CSMD3: variants seen among roughly 807,000 people sequenced by gnomAD.
CSMD3 encodes CUB and sushi domain-containing protein 3.
In CSMD3, 177 loss-of-function variants were observed where a neutral mutation model predicts 435.2. That is an observed-to-expected ratio of 0.41 (90% CI 0.36 to 0.46). The LOEUF (loss-of-function observed/expected upper bound fraction) is 0.46, where lower values mean the gene tolerates loss of function less well. Ranked by LOEUF, CSMD3 falls within the 20% of genes least tolerant of loss-of-function variation. The probability of loss-of-function intolerance (pLI) is 0.34; values close to 1 mark genes in which losing one functional copy is unlikely to be tolerated. For synonymous variants in CSMD3, 1,656 were observed against 1,520.5 expected (o/e 1.09, Z -2.07); for missense variants, 4,265 against 4,504.6 (o/e 0.95, Z 1.52).
chr8:112,976,090 A>G lies in CSMD3; in HGVS notation c.1089T>C (p.Thr363=), dbSNP rs766040378. The change falls in exon 7 of 71, where the codon ACT becomes ACC. Residue 363 remains threonine (T), a synonymous_variant. Transcript: ENST00000297405. ...TAGCAACAGCAATAGCACCAGTGGT[A>G]GTCCTGTTATGCTCCTCTAACTCAC... ...STGELEEHNR[T]TTGAIAVAST... is the part of the protein sequence containing the mutation. 1.9e-5 allele frequency: 30 copies of G among 1,614,096 alleles called. No homozygotes were observed. The East Asian group carries it at 5.8e-4, about 31-fold the overall frequency.
chr8:112,520,863 T>C (rs1824208163), intron 27 of CSMD3, among the ~76,000 whole-genome samples: 1 of 151,976 alleles, frequency 6.6e-6, no homozygotes, highest in African/African-American at 2.4e-5. Flanking sequence ...TATAATTTTT[T>C]GAGAGGGTAA....
At chr8:112,542,520 G>A (rs996140055) in intron 27 of CSMD3, among the ~76,000 whole-genome samples, 2 of 151,670 alleles carry the variant, frequency 1.3e-5, no homozygotes, top group Middle Eastern at 6.3e-3. Flanking sequence ...CACTAACAAC[G>A]AACTATCTGA....
At chr8:113,034,212 A>C (rs1160996888) in intron 5 of CSMD3, among the ~76,000 whole-genome samples, 1 of 151,572 alleles carries the variant, frequency 6.6e-6, no homozygotes, top group Non-Finnish European at 1.5e-5. Context: ...TCAAAATAAA[A>C]AGGTTTTAAC....
chr8:113,409,904 T>G (rs1398372449), intron 1 of CSMD3, among the ~76,000 whole-genome samples: 1 of 151,150 alleles, frequency 6.6e-6, no homozygotes, highest in Middle Eastern at 3.2e-3. Flanking sequence ...AAAAAGTGAC[T>G]CTCTAGACCT....
At chr8:113,206,442 T>G (rs1368262106) in intron 3 of CSMD3, among the ~76,000 whole-genome samples, 1 of 152,196 alleles carries the variant, frequency 6.6e-6, no homozygotes, top group Non-Finnish European at 1.5e-5. Flanking sequence ...CCTGTCCATG[T>G]GCATATTCTA....
chr8:113,304,723 A>G (rs1323152107), intron 2 of CSMD3, among the ~76,000 whole-genome samples: 2 of 130,118 alleles, frequency 1.5e-5, no homozygotes, highest in Non-Finnish European at 3.2e-5. Flanking sequence ...ATGAGATCAC[A>G]TGGACACAGG....
intron 32 of CSMD3, among the ~76,000 whole-genome samples, chr8:112,417,651 A>G (rs1408530119): frequency 3.3e-5 from 5 of 152,202 alleles, no homozygotes; most frequent in African/African-American, 1.2e-4. Flanking sequence ...TAAGACTTCA[A>G]GATGGCTATG....
chr8:112,429,513 T>C (rs940689360), intron 32 of CSMD3, among the ~76,000 whole-genome samples: 1 of 151,986 alleles, frequency 6.6e-6, no homozygotes, highest in Non-Finnish European at 1.5e-5. Flanking sequence ...AACATAGACA[T>C]ATGAAATGAG....
chr8:112,573,389 G>A (rs1264369543), intron 24 of CSMD3, 112 bp downstream of exon 24: 18 of 944,776 alleles, frequency 1.9e-5, no homozygotes, highest in Non-Finnish European at 2.8e-5. Flanking sequence ...GTAGAAAGGA[G>A]CTGTAAATTA....
intron 22 of CSMD3, among the ~76,000 whole-genome samples, chr8:112,619,025 A>C (rs1833865467): frequency 1.3e-5 from 2 of 152,116 alleles, no homozygotes; most frequent in African/African-American, 4.8e-5. Flanking sequence ...AACTATACAA[A>C]GGACATTTGA....
At chr8:112,497,837 G>T (rs531982294) in intron 30 of CSMD3, among the ~76,000 whole-genome samples, 22 of 152,168 alleles carry the variant, frequency 1.4e-4, no homozygotes, top group South Asian at 1.2e-3. Context: ...TGATAAGACA[G>T]ACCCTGAAGA....
intron 6 of CSMD3, among the ~76,000 whole-genome samples, chr8:112,992,425 T>C (rs1332604811): frequency 1.3e-5 from 2 of 151,724 alleles, no homozygotes; most frequent in Non-Finnish European, 2.9e-5. Flanking sequence ...AAGGCCCTGA[T>C]TGTGAATATC....
intron 35 of CSMD3, among the ~76,000 whole-genome samples, chr8:112,405,616 A>G (rs1831785778): frequency 6.6e-6 from 1 of 151,848 alleles, no homozygotes; most frequent in South Asian, 2.1e-4. Context: ...CTTCGAAACA[A>G]TAAGATTTTT....
At chr8:113,263,716 AAATCT>A in intron 3 of CSMD3, among the ~76,000 whole-genome samples, 1 of 151,972 alleles carries the variant, frequency 6.6e-6, no homozygotes, top group South Asian at 2.1e-4. Context: ...AGAACATATA[AAATCT>A]GAAGAATATT....
chr8:112,908,518 G>T (rs1347622110), intron 10 of CSMD3, among the ~76,000 whole-genome samples: 1 of 151,328 alleles, frequency 6.6e-6, no homozygotes, highest in Non-Finnish European at 1.5e-5. Context: ...GTCTTTCTTA[G>T]TTATTGTAAT....
At position 112,359,999 on chromosome 8, in the gene CSMD3, G is replaced by A. The variant is rs148866488; in HGVS notation, c.6137-7465C>T. Among the ~76,000 whole-genome samples the A allele has an allele frequency of 2.7e-3, 411 of 152,168 alleles. 1 individual carries two copies. The highest frequency in any genetic ancestry group is 0.014 in the Middle Eastern group (4 of 294). ...TGTGTATTAATCTTACTTAATACCC[G>A]TTGATAAGCCTCACACATCAAATTC... On this transcript the variant is annotated intron_variant, in intron 38 of 70. Transcript: ENST00000297405.
intron 70 of CSMD3, 92 bp from the exon 71 acceptor site, chr8:112,225,022 A>G: frequency 8.3e-7 from 1 of 1,206,614 alleles, no homozygotes; most frequent in Non-Finnish European, 1.2e-6. Context: ...TTAGCAGATA[A>G]TGTAACTTAA....
intron 5 of CSMD3, among the ~76,000 whole-genome samples, chr8:113,039,772 T>A (rs1382097094): frequency 6.6e-6 from 1 of 152,116 alleles, no homozygotes; most frequent in East Asian, 1.9e-4. Context: ...GCAACAAAAA[T>A]TTTAATAAAA....
chr8:112,789,932 A>G (rs2078645189), intron 13 of CSMD3, among the ~76,000 whole-genome samples: 1 of 152,014 alleles, frequency 6.6e-6, no homozygotes, highest in Non-Finnish European at 1.5e-5. Context: ...CAGTCCTGAC[A>G]GATATTTATT....
Sources: gnomAD v4.1 joint callset for allele counts (sites outside exome capture counted in the v4.1 genomes callset) on GRCh38, gnomAD v4.1.1 for gene constraint, MANE v1.5 for transcripts, NCBI Gene and HGNC (gene_info 2026-07-23, HGNC 2026-07-21) for gene names.